Variants in DLG2 observed in about 807,000 individuals in gnomAD.
DLG2 encodes discs large MAGUK scaffold protein 2, also known as disks large homolog 2.
DLG2 carries 45 observed loss-of-function variants against 132.5 expected under a neutral mutation model. That is an observed-to-expected ratio of 0.34 (90% confidence interval 0.27 to 0.44). DLG2 has a LOEUF of 0.44. DLG2 is among the 20% of genes least tolerant of loss of function. DLG2 has a pLI of 1.00. For synonymous variants in DLG2, 424 were observed against 419.6 expected (o/e 1.01, Z -0.13); for missense variants, 1,045 against 1,196.9 (o/e 0.87, Z 1.87).
intron 7 of DLG2, among the ~76,000 whole-genome samples, chr11:84,512,519 C>T (rs1323527843): frequency 6.6e-6 from 1 of 152,126 alleles, no homozygotes; most frequent in Non-Finnish European, 1.5e-5. Context: ...TGTTTCTCAA[C>T]CATCTTTGGA....
At chr11:85,311,361 A>G (rs1246194212) in intron 3 of DLG2, among the ~76,000 whole-genome samples, 2 of 152,200 alleles carry the variant, frequency 1.3e-5, no homozygotes, top group Admixed American at 6.6e-5. Context: ...TTTGAGGCCA[A>G]TGCTGTTATC....
rs541160704 is a variant in DLG2, at chr11:85,293,053, C to T, written c.41-7688G>A. On this transcript the variant is annotated intron_variant, in intron 3 of 27. Coordinates refer to ENST00000376104, the MANE Select transcript of DLG2 (RefSeq NM_001142699.3). ...TAAATTAATAGTCATGGGATATAACCTTTTTAATAAAATAATAATCCATTA... is the reference window on the plus strand; with the variant it reads ...TAAATTAATAGTCATGGGATATAACTTTTTTAATAAAATAATAATCCATTA... Among the ~76,000 whole-genome samples the T allele has an allele frequency of 3.3e-5, 5 of 152,078 alleles. No individual in the cohort carries two copies. In the East Asian group the frequency reaches 9.7e-4, roughly 29 times the overall value.
intron 8 of DLG2, among the ~76,000 whole-genome samples, chr11:84,194,178 T>G: frequency 6.6e-6 from 1 of 152,216 alleles, no homozygotes; most frequent in South Asian, 2.1e-4. Context: ...CTATCCTTTC[T>G]CTTTTCCCTT....
At chr11:84,851,537 A>G (rs2082166967) in intron 6 of DLG2, among the ~76,000 whole-genome samples, 1 of 152,008 alleles carries the variant, frequency 6.6e-6, no homozygotes, top group Non-Finnish European at 1.5e-5. Flanking sequence ...AAGAAAGATG[A>G]TTATCAGTCT....
At chr11:84,422,144 A>C (rs1367661394) in intron 7 of DLG2, among the ~76,000 whole-genome samples, 1 of 152,196 alleles carries the variant, frequency 6.6e-6, no homozygotes, top group Non-Finnish European at 1.5e-5. Flanking sequence ...TTATTTTTAG[A>C]TACTTAAATG....
chr11:85,129,202 A>G (rs1379032159), intron 5 of DLG2, among the ~76,000 whole-genome samples: 1 of 152,228 alleles, frequency 6.6e-6, no homozygotes, highest in Non-Finnish European at 1.5e-5. Context: ...CAATCTTCTG[A>G]AAGTGGGTTG....
Position 84,285,524 on chromosome 11 carries a change from C to G in DLG2, c.520-34233G>C, listed in dbSNP as rs993554083. On this transcript the variant is annotated intron_variant, in intron 7 of 27. Coordinates refer to ENST00000376104, the MANE Select transcript of DLG2 (RefSeq NM_001142699.3). ...CCACCTGTTCTCCAGAATGCTCTCC[C>G]ACTTATCATTTAAATCTTAGCTTCA... Among the ~76,000 whole-genome samples the G allele has an allele frequency of 2.6e-5, 4 of 152,192 alleles. No individual in the cohort carries two copies. In the East Asian group the frequency reaches 7.7e-4, roughly 29 times the overall value.
intron 6 of DLG2, among the ~76,000 whole-genome samples, chr11:84,705,274 C>A (rs1311549708): frequency 6.6e-6 from 1 of 151,688 alleles, no homozygotes; most frequent in African/African-American, 2.4e-5. Flanking sequence ...AGATTTCCTT[C>A]CCCTGGACTA....
intron 6 of DLG2, among the ~76,000 whole-genome samples, chr11:84,839,895 A>G (rs1228342891): frequency 1.3e-5 from 2 of 152,150 alleles, no homozygotes; most frequent in Non-Finnish European, 2.9e-5. Context: ...CCCTAGAAGA[A>G]AACCTAGGCA....
intron 15 of DLG2, among the ~76,000 whole-genome samples, chr11:83,904,039 G>T (rs2074128152): frequency 6.6e-6 from 1 of 152,088 alleles, no homozygotes; most frequent in South Asian, 2.1e-4. Context: ...CTACTCTTGT[G>T]CTTTGGGGGC....
At chr11:83,532,811 C>T (rs1340557320) in intron 20 of DLG2, 28 bp from the exon 21 acceptor site, 2 of 1,596,864 alleles carry the variant, frequency 1.3e-6, no homozygotes, top group Admixed American at 1.7e-5. Flanking sequence ...TAAAGAGTCT[C>T]TCACGTGACA....
intron 3 of DLG2, among the ~76,000 whole-genome samples, chr11:85,446,169 T>C (rs186999868): frequency 1.3e-5 from 2 of 152,330 alleles, no homozygotes; most frequent in East Asian, 3.9e-4. Flanking sequence ...GTGAGACACA[T>C]TAAGGACAAA....
At chr11:84,170,972 T>C (rs548640042) in intron 8 of DLG2, among the ~76,000 whole-genome samples, 1 of 152,246 alleles carries the variant, frequency 6.6e-6, no homozygotes, top group South Asian at 2.1e-4. Flanking sequence ...AATATCTCTG[T>C]CTTATCTCTT....
chr11:85,018,834 GTTTAT>G (rs1163736272), intron 6 of DLG2, among the ~76,000 whole-genome samples: 1 of 126,772 alleles, frequency 7.9e-6, no homozygotes, highest in Non-Finnish European at 1.7e-5. Flanking sequence ...ATAAGGACTT[GTTTAT>G]TTTGAGGAAA....
At chr11:84,515,557 C>T (rs1431121693) in intron 7 of DLG2, among the ~76,000 whole-genome samples, 2 of 151,810 alleles carry the variant, frequency 1.3e-5, no homozygotes, top group African/African-American at 4.8e-5. Flanking sequence ...AATACATATT[C>T]ATCTGACATC....
intron 7 of DLG2, among the ~76,000 whole-genome samples, chr11:84,507,260 G>C (rs1421105371): frequency 6.6e-6 from 1 of 152,132 alleles, no homozygotes; most frequent in Admixed American, 6.5e-5. Flanking sequence ...AGTTAAAAGA[G>C]TCATAAATTA....
chr11:84,493,997 A>G (rs1347682527), intron 7 of DLG2, among the ~76,000 whole-genome samples: 7 of 152,182 alleles, frequency 4.6e-5, no homozygotes, highest in Admixed American at 2.6e-4. Context: ...CAGTTGATGT[A>G]AGTGAGGTGG....
chr11:84,983,506 C>G (rs762731238), intron 6 of DLG2, among the ~76,000 whole-genome samples: 1 of 151,352 alleles, frequency 6.6e-6, no homozygotes, highest in Non-Finnish European at 1.5e-5. Flanking sequence ...AGCCTTGAGC[C>G]CTACACTGTC....
At chr11:85,613,954 T>C (rs949151352) in intron 2 of DLG2, among the ~76,000 whole-genome samples, 1 of 152,046 alleles carries the variant, frequency 6.6e-6, no homozygotes, top group Non-Finnish European at 1.5e-5. Flanking sequence ...TGAACAACTC[T>C]GGACATGCCA....
Sources: gnomAD v4.1 joint callset for allele counts (sites outside exome capture counted in the v4.1 genomes callset) on GRCh38, gnomAD v4.1.1 for gene constraint, MANE v1.5 for transcripts, NCBI Gene and HGNC (gene_info 2026-07-23, HGNC 2026-07-21) for gene names.